The following F13A1 variants were observed in gnomAD, a reference collection of about 807,000 sequenced individuals.
F13A1 encodes the protein FSF, A subunit.
A neutral mutation model predicts 80.1 loss-of-function variants in F13A1; 47 were observed. The ratio of observed to expected loss-of-function variants is 0.59; its 90% CI spans 0.46 to 0.75. F13A1 has a LOEUF of 0.75. F13A1 is among the 30% of genes least tolerant of loss of function. The pLI is 0.00. For synonymous variants in F13A1, 349 were observed against 344.9 expected (o/e 1.01, Z -0.13); for missense variants, 817 against 930.4 (o/e 0.88, Z 1.59).
intron 3 of F13A1, among the ~76,000 whole-genome samples, chr6:6,294,567 T>G (rs75709918): frequency 6.6e-6 from 1 of 151,578 alleles, no homozygotes; most frequent in African/African-American, 2.4e-5. Flanking sequence ...CACACGTATA[T>G]GTACAAACAC....
At chr6:6,320,488 G>A (rs1342600508) in intron 1 of F13A1, 99 bp downstream of exon 1, 2 of 346,604 alleles carry the variant, frequency 5.8e-6, no homozygotes, top group Non-Finnish European at 1.2e-5. Context: ...GGCGCCACAG[G>A]GCCCAGAGCA....
rs956116816 is a variant in F13A1, at chr6:6,305,402, T to G, written c.268A>C (p.Ser90Arg). Reference protein sequence around the residue: ...GQSFYVQIDFSRPYDPRRDLF... With the variant: ...GQSFYVQIDFRRPYDPRRDLF... ...TCCCTTCTGGGGTCATATGGACGACTGAAGTCAATCTGCACATAGAAAGAC... is the reference window on the plus strand; with the variant it reads ...TCCCTTCTGGGGTCATATGGACGACGGAAGTCAATCTGCACATAGAAAGAC... The change falls in exon 3 of 15, where the codon AGT becomes CGT. Residue 90 changes from serine (S) to arginine (R), a missense_variant. Transcript: ENST00000264870. 1.2e-6 allele frequency: 2 copies of G among 1,614,140 alleles called. No homozygotes were observed. Among genetic ancestry groups the G allele is most frequent in the South Asian group, 1.1e-5 (1 of 91,092 alleles).
At chr6:6,146,804 A>G (rs78277193) in intron 14 of F13A1, among the ~76,000 whole-genome samples, 1,754 of 152,310 alleles carry the variant, frequency 0.012, 11 homozygotes, top group Non-Finnish European at 0.018. Flanking sequence ...GCACTTCATA[A>G]AAGTGTACAC....
intron 3 of F13A1, among the ~76,000 whole-genome samples, chr6:6,302,291 G>A (rs973323097): frequency 5.9e-5 from 9 of 152,048 alleles, no homozygotes; most frequent in African/African-American, 1.7e-4. Flanking sequence ...TGTCATGCAC[G>A]GGATGTAATA....
chr6:6,184,921 C>G (rs1173845111), intron 10 of F13A1, among the ~76,000 whole-genome samples: 1 of 152,120 alleles, frequency 6.6e-6, no homozygotes, highest in Non-Finnish European at 1.5e-5. Context: ...CATTAGCAAG[C>G]TTTCTTTTTG....
chr6:6,292,672 T>A (rs1758240241), intron 3 of F13A1, among the ~76,000 whole-genome samples: 1 of 152,232 alleles, frequency 6.6e-6, no homozygotes, highest in Admixed American at 6.5e-5. Flanking sequence ...GTGTTGCTGA[T>A]GACATTTCCA....
intron 3 of F13A1, among the ~76,000 whole-genome samples, chr6:6,290,501 G>T (rs897145171): frequency 6.6e-6 from 1 of 152,174 alleles, no homozygotes; most frequent in South Asian, 2.1e-4. Flanking sequence ...GAATTATTGG[G>T]CTAAACAAGA....
At chr6:6,206,357 T>G in intron 8 of F13A1, 1 of 415,140 alleles carries the variant, frequency 2.4e-6, no homozygotes, top group African/African-American at 2.0e-5. Context: ...ATATGATGAC[T>G]CTTGTAGGCA....
At chr6:6,174,513 A>G (rs1176172599) in intron 12 of F13A1, 67 bp downstream of exon 12, 7 of 1,557,976 alleles carry the variant, frequency 4.5e-6, no homozygotes, top group Non-Finnish European at 6.2e-6. Context: ...TATAACGGGC[A>G]TTAACACCTA....
chr6:6,179,841 T>C (rs889610349), intron 11 of F13A1, among the ~76,000 whole-genome samples: 69 of 152,186 alleles, frequency 4.5e-4, no homozygotes, highest in Non-Finnish European at 8.8e-5. Flanking sequence ...GGACCTCAGA[T>C]GTCTTCCTCA....
At position 6,320,617 on chromosome 6, in the gene F13A1, G is replaced by C. The variant is rs935783259; in HGVS notation, c.-49C>G. 2.8e-5 allele frequency: 13 copies of C among 470,156 alleles called. No homozygotes were observed. The highest frequency in any genetic ancestry group is 2.6e-4 in the African/African-American group (13 of 50,060). 29.1% of individuals were successfully genotyped at this position (470,156 alleles called of 1,614,324 possible). On this transcript the variant is annotated 5_prime_UTR_variant, in exon 1 of 15. Coordinates refer to ENST00000264870, the MANE Select transcript of F13A1 (RefSeq NM_000129.4). ...GGCGCTCCCCTCCAGAGGTGCCCTC[G>C]CGTGGGCTTGCTCTGTGCGCCTCGG...
chr6:6,197,528 A>T (rs1761312829), intron 8 of F13A1, among the ~76,000 whole-genome samples: 1 of 152,136 alleles, frequency 6.6e-6, no homozygotes, highest in Admixed American at 6.5e-5. Flanking sequence ...AAATACAAAA[A>T]TTAGCTGGGT....
At chr6:6,267,423 C>T (rs1757860223) in intron 3 of F13A1, among the ~76,000 whole-genome samples, 1 of 152,200 alleles carries the variant, frequency 6.6e-6, no homozygotes, top group African/African-American at 2.4e-5. Flanking sequence ...TCCATAAACC[C>T]ACCTGCATAA....
At chr6:6,246,096 TC>T (rs113272342) in intron 6 of F13A1, among the ~76,000 whole-genome samples, 4,461 of 152,332 alleles carry the variant, frequency 0.029, 217 homozygotes, top group African/African-American at 0.1. Flanking sequence ...TCTAGGCACA[TC>T]TTTTCATACT....
intron 3 of F13A1, among the ~76,000 whole-genome samples, chr6:6,289,238 G>C (rs1758186399): frequency 6.6e-6 from 1 of 152,094 alleles, no homozygotes; most frequent in Non-Finnish European, 1.5e-5. Context: ...CTCGGGTTCT[G>C]ACTGGGCACT....
At chr6:6,238,919 C>T (rs1757450077) in intron 6 of F13A1, among the ~76,000 whole-genome samples, 1 of 152,056 alleles carries the variant, frequency 6.6e-6, no homozygotes, top group African/African-American at 2.4e-5. Context: ...GAATGTAAAA[C>T]AGTAGAGCTG....
At chr6:6,222,435 T>C (rs1757208608) in intron 7 of F13A1, among the ~76,000 whole-genome samples, 1 of 152,194 alleles carries the variant, frequency 6.6e-6, no homozygotes, top group African/African-American at 2.4e-5. Flanking sequence ...AGGGTTCTAA[T>C]TGTTTCGTTT....
At chr6:6,241,679 G>C (rs531191619) in intron 6 of F13A1, among the ~76,000 whole-genome samples, 62 of 152,280 alleles carry the variant, frequency 4.1e-4, no homozygotes, top group Non-Finnish European at 7.8e-4. Context: ...GGATGGGTTA[G>C]ATATTGCTTT....
chr6:6,147,325 G>T (rs1311957046), intron 14 of F13A1, among the ~76,000 whole-genome samples: 1 of 152,052 alleles, frequency 6.6e-6, no homozygotes, highest in Non-Finnish European at 1.5e-5. Context: ...AGAAGAAAAG[G>T]CTTTTTCTGA....
Sources: allele counts gnomAD v4.1 joint callset (sites outside exome capture counted in the v4.1 genomes callset), GRCh38; gene constraint gnomAD v4.1.1; transcripts MANE v1.5; gene names NCBI Gene and HGNC (gene_info 2026-07-23, HGNC 2026-07-21).